KCNN2: variants seen among roughly 807,000 people sequenced by gnomAD.
KCNN2 encodes small conductance calcium-activated potassium channel protein 2.
A neutral mutation model predicts 55.5 loss-of-function variants in KCNN2; 24 were observed. That is an observed-to-expected ratio of 0.43 (90% confidence interval 0.31 to 0.61). KCNN2 has a LOEUF of 0.61. KCNN2 is among the 20% of genes least tolerant of loss of function. KCNN2 has a pLI of 0.08. For synonymous variants in KCNN2, 431 were observed against 336.1 expected (o/e 1.28, Z -3.09); for missense variants, 754 against 853.6 (o/e 0.88, Z 1.45).
In KCNN2 at chr5:114,229,384, C is replaced by G. The variant is rs191634274; in HGVS notation, c.-185+7819C>G. On this transcript the variant is annotated intron_variant, in intron 2 of 10. Transcript: ENST00000512097. ...GATACAATAATTATATCTCCCCTGG[C>G]CTGGTTATTTTCTCCTTATTCCTAA... is the stretch of plus-strand genomic sequence containing the variant. 2.1e-3 allele frequency among the ~76,000 whole-genome samples: 317 copies of G among 151,642 alleles called. 1 individual carries two copies. Among genetic ancestry groups the G allele is most frequent in the African/African-American group, 7.1e-3 (294 of 41,402 alleles).
At chr5:114,061,413 C>G (rs961261588) in intron 1 of KCNN2, among the ~76,000 whole-genome samples, 1 of 152,142 alleles carries the variant, frequency 6.6e-6, no homozygotes, top group African/African-American at 2.4e-5. Context: ...ATTTTCACAA[C>G]TTTATGAGAT....
intron 1 of KCNN2, among the ~76,000 whole-genome samples, chr5:114,189,941 GA>G (rs1376551924): frequency 6.6e-6 from 1 of 151,838 alleles, no homozygotes; most frequent in African/African-American, 2.4e-5. Flanking sequence ...ATGAATTAAA[GA>G]TCTCAAAGTG....
intron 2 of KCNN2, among the ~76,000 whole-genome samples, chr5:114,237,962 ACTTAG>A (rs1754538233): frequency 6.6e-6 from 1 of 152,220 alleles, no homozygotes; most frequent in Non-Finnish European, 1.5e-5. Flanking sequence ...CTTCTGACTT[ACTTAG>A]CTCAGAAGTG....
At position 114,277,894 on chromosome 5, in the gene KCNN2, G is replaced by A. The variant is rs900283012; in HGVS notation, c.-185+56329G>A. On this transcript the variant is annotated intron_variant, in intron 2 of 10. Coordinates refer to the KCNN2 transcript ENST00000512097. ...TTTGTTCCCTTGCTGTCGAGGAGTC[G>A]TTTTCCTTTGGAGGAGAAAAGGCAT... Among the ~76,000 whole-genome samples the A allele has an allele frequency of 5.9e-5, 9 of 152,244 alleles. 1 individual carries two copies. The highest frequency in any genetic ancestry group is 2.0e-4 in the Admixed American group (3 of 15,286).
intron 3 of KCNN2, among the ~76,000 whole-genome samples, chr5:114,417,502 C>A (rs1431419906): frequency 1.3e-5 from 2 of 152,038 alleles, no homozygotes; most frequent in Admixed American, 1.3e-4. Flanking sequence ...ACACTGATAC[C>A]TTTTGTTCCT....
At chr5:114,240,791 T>A (rs7731994) in intron 2 of KCNN2, among the ~76,000 whole-genome samples, 119,762 of 152,086 alleles carry the variant, frequency 0.79, 47,641 homozygotes, top group East Asian at 0.9. Flanking sequence ...CTGCTATTAC[T>A]CAAGTAGTAT....
intron 2 of KCNN2, among the ~76,000 whole-genome samples, chr5:114,394,559 A>G (rs1758561550): frequency 6.6e-6 from 1 of 152,228 alleles, no homozygotes; most frequent in South Asian, 2.1e-4. Flanking sequence ...GTTTGTGTCA[A>G]AAAGGCCTTC....
At chr5:114,293,071 T>C (rs928514036) in intron 2 of KCNN2, among the ~76,000 whole-genome samples, 1 of 152,238 alleles carries the variant, frequency 6.6e-6, no homozygotes, top group Non-Finnish European at 1.5e-5. Context: ...AAGTTGCTTA[T>C]CAGCTTATGG....
intron 1 of KCNN2, among the ~76,000 whole-genome samples, chr5:114,119,648 C>T (rs1315220703): frequency 7.2e-5 from 11 of 152,258 alleles, no homozygotes; most frequent in African/African-American, 2.6e-4. Context: ...TCTGATCACA[C>T]CCTCCCTTTT....
chr5:114,074,293 C>CGCGTGT (rs1750637749), intron 1 of KCNN2, among the ~76,000 whole-genome samples: 1 of 144,510 alleles, frequency 6.9e-6, no homozygotes, highest in African/African-American at 2.6e-5. Flanking sequence ...GCCATGTTTG[C>CGCGTGT]GTGTGTGTGT....
At chr5:114,124,649 C>G (rs561665093) in intron 1 of KCNN2, among the ~76,000 whole-genome samples, 2 of 152,286 alleles carry the variant, frequency 1.3e-5, no homozygotes, top group Admixed American at 1.3e-4. Context: ...GCGGCATTTT[C>G]CCTGGTCTTT....
intron 1 of KCNN2, among the ~76,000 whole-genome samples, chr5:114,059,820 G>T (rs1033838987): frequency 1.3e-5 from 2 of 152,042 alleles, no homozygotes; most frequent in Non-Finnish European, 2.9e-5. Flanking sequence ...AGAGTGTTGA[G>T]CCAGAAACAG....
intron 1 of KCNN2, among the ~76,000 whole-genome samples, chr5:114,149,681 G>C (rs1251811507): frequency 6.6e-6 from 1 of 152,136 alleles, no homozygotes; most frequent in Non-Finnish European, 1.5e-5. Flanking sequence ...AAAATATAGT[G>C]TGTGCATCAG....
At chr5:114,439,498 T>C (rs1392171075) in intron 3 of KCNN2, among the ~76,000 whole-genome samples, 1 of 152,094 alleles carries the variant, frequency 6.6e-6, no homozygotes, top group Admixed American at 6.6e-5. Flanking sequence ...TGGTTCTCAG[T>C]CTTGACACCT....
intron 2 of KCNN2, among the ~76,000 whole-genome samples, chr5:114,372,856 T>C (rs1757803154): frequency 6.6e-6 from 1 of 152,156 alleles, no homozygotes; most frequent in African/African-American, 2.4e-5. Context: ...TCTTTCATTA[T>C]GTAGATATAA....
intron 1 of KCNN2, among the ~76,000 whole-genome samples, chr5:114,059,283 G>C (rs893005681): frequency 5.3e-5 from 8 of 152,162 alleles, no homozygotes; most frequent in African/African-American, 1.9e-4. Context: ...GAAGATTCAC[G>C]TTCAAAGAAA....
rs1481213212 is a variant in KCNN2 at position 114,388,910 on chromosome 5, A to G, written c.1219-15528A>G. On this transcript the variant is annotated intron_variant, in intron 2 of 7. Transcript: ENST00000673685. Reference sequence around the variant, plus strand: ...CCTTCTGCATTTGAAAAGAGGATCAATTAAGTCCCAGAGAGTCTTTGTTGA... The same window carrying G: ...CCTTCTGCATTTGAAAAGAGGATCAGTTAAGTCCCAGAGAGTCTTTGTTGA... Among the ~76,000 whole-genome samples, 4 of 152,172 alleles carry G rather than the reference A, an allele frequency of 2.6e-5. No homozygotes were observed. The East Asian group carries it at 5.8e-4, about 22-fold the overall frequency.
At chr5:114,442,086 C>G (rs1760236344) in intron 3 of KCNN2, among the ~76,000 whole-genome samples, 1 of 152,064 alleles carries the variant, frequency 6.6e-6, no homozygotes. Flanking sequence ...GTGAGGATAA[C>G]AGAAGTTAGT....
intron 6 of KCNN2, among the ~76,000 whole-genome samples, chr5:114,493,033 T>C (rs1199875846): frequency 1.3e-5 from 2 of 152,186 alleles, no homozygotes; most frequent in Non-Finnish European, 2.9e-5. Context: ...CCAACATCAA[T>C]GAAATTCCAG....
Sources: allele counts gnomAD v4.1 joint callset (sites outside exome capture counted in the v4.1 genomes callset), GRCh38; gene constraint gnomAD v4.1.1; transcripts MANE v1.5; gene names NCBI Gene and HGNC (gene_info 2026-07-23, HGNC 2026-07-21).